FAM20B: variants seen among roughly 807,000 people sequenced by gnomAD.
FAM20B encodes the protein FAM20B glycosaminoglycan xylosylkinase.
In FAM20B, 23 loss-of-function variants were observed where a neutral mutation model predicts 43.8. The ratio of observed to expected loss-of-function variants is 0.53; its 90% CI spans 0.38 to 0.74. FAM20B has a LOEUF of 0.74. Among genes scored for constraint, FAM20B ranks in the 30% least tolerant of loss-of-function variants. The pLI, the probability that FAM20B is intolerant of heterozygous loss-of-function variation, is 0.00. For missense variants in FAM20B, 440 were observed against 510.5 expected, an observed-to-expected ratio of 0.86 and a Z score of 1.33; for synonymous variants, 178 against 192.4, an observed-to-expected ratio of 0.93 and a Z score of 0.62.
chr1:179,055,611 T>C (rs770267982), intron 4 of FAM20B, among the ~76,000 whole-genome samples: 8 of 152,178 alleles, frequency 5.3e-5, no homozygotes, highest in Non-Finnish European at 1.0e-4. Flanking sequence ...GTTTTATGTT[T>C]AGCAAGCATG....
chr1:179,070,447 TG>T (rs994968240), intron 7 of FAM20B, among the ~76,000 whole-genome samples: 19 of 151,570 alleles, frequency 1.3e-4, no homozygotes, highest in African/African-American at 4.4e-4. Context: ...GACTTATTGC[TG>T]TGTCATCATG....
chr1:179,064,287 G>GTC lies in FAM20B; in HGVS notation c.747-18_747-17insTC. 1 of 1,591,060 alleles carries GTC rather than the reference G, an allele frequency of 6.3e-7. No individual in the cohort carries two copies. Among genetic ancestry groups the GTC allele is most frequent in the Non-Finnish European group, 8.6e-7 (1 of 1,164,054 alleles). On this transcript the variant is annotated splice_polypyrimidine_tract_variant and intron_variant, in intron 5 of 7. Transcript: ENST00000263733. ...GTACAGTGTTGTCACTCAGTGCTGT[G>GTC]ATGCTGCTTGTCTCCAGGTGGGAGT...
intron 7 of FAM20B, among the ~76,000 whole-genome samples, chr1:179,067,932 T>C (rs1167949979): frequency 6.6e-6 from 1 of 151,978 alleles, no homozygotes; most frequent in African/African-American, 2.4e-5. Flanking sequence ...CCCAGCTAAT[T>C]TTTGTATTTG....
chr1:179,039,922 G>T (rs1025849594), intron 1 of FAM20B, among the ~76,000 whole-genome samples: 10 of 152,070 alleles, frequency 6.6e-5, no homozygotes, highest in Admixed American at 4.6e-4. Flanking sequence ...AGATTAGGGA[G>T]TGGTGATGAC....
intron 3 of FAM20B, among the ~76,000 whole-genome samples, chr1:179,052,991 C>T (rs1289878288): frequency 1.3e-5 from 2 of 152,160 alleles, no homozygotes; most frequent in African/African-American, 4.8e-5. Context: ...TTTTGTATTT[C>T]CCCATTACTG....
At chr1:179,043,632 T>G in intron 1 of FAM20B, 83 bp from the exon 2 acceptor site, 2 of 472,484 alleles carry the variant, frequency 4.2e-6, no homozygotes, top group Admixed American at 3.6e-5. Flanking sequence ...AAAGGGTGAG[T>G]CATATATTAG....
intron 1 of FAM20B, among the ~76,000 whole-genome samples, chr1:179,029,782 A>G (rs563309177): frequency 1.3e-5 from 2 of 152,348 alleles, no homozygotes; most frequent in South Asian, 4.1e-4. Context: ...TTATATACAT[A>G]GCAATGCCTC....
intron 2 of FAM20B, among the ~76,000 whole-genome samples, chr1:179,049,831 C>T (rs748550660): frequency 3.9e-5 from 6 of 152,296 alleles, no homozygotes; most frequent in Admixed American, 1.3e-4. Context: ...TGTGAGCCAC[C>T]GTGCCTGGCC....
intron 4 of FAM20B, among the ~76,000 whole-genome samples, chr1:179,057,199 G>T (rs578166575): frequency 2.6e-5 from 4 of 152,052 alleles, no homozygotes; most frequent in Non-Finnish European, 4.4e-5. Context: ...ACGAAAATTA[G>T]CTGGGCATGG....
Position 179,073,858 on chromosome 1 carries a change from C to A in FAM20B, c.*1714C>A, listed in dbSNP as rs572488361. 1 of 152,322 alleles carries A rather than the reference C, an allele frequency of 6.6e-6. No homozygotes were observed. Among genetic ancestry groups the A allele is most frequent in the Non-Finnish European group, 1.5e-5 (1 of 68,046 alleles). The allele number at this position is 152,322 out of a possible 1,614,324, so 9.4% of individuals were successfully genotyped here. Reference sequence around the variant, plus strand: ...CAACATGTAAGTAGTTGCAGTAAAACACAGGGGCAAAGGAAGACAGGCCTG... The same window carrying A: ...CAACATGTAAGTAGTTGCAGTAAAAAACAGGGGCAAAGGAAGACAGGCCTG... On this transcript the variant is annotated 3_prime_UTR_variant, in exon 8 of 8. Coordinates refer to ENST00000263733, the MANE Select transcript of FAM20B (RefSeq NM_014864.4).
chr1:179,059,895 C>G (rs1651384543), intron 4 of FAM20B, among the ~76,000 whole-genome samples: 1 of 151,756 alleles, frequency 6.6e-6, no homozygotes, highest in African/African-American at 2.4e-5. Context: ...TCACTTGAAC[C>G]CGGGAAGTGG....
In FAM20B at chr1:179,073,086, C is replaced by G. The variant is rs1437884394; in HGVS notation, c.*942C>G. On this transcript the variant is annotated 3_prime_UTR_variant, in exon 8 of 8. Transcript: ENST00000263733. ...ACAGGTTGCCTGTGGTCTCTGTCAT[C>G]CTCGTTTCTCTTCTGAAATGAATTT... 6.6e-6 allele frequency: 1 copy of G among 152,202 alleles called. No individual in the cohort carries two copies. The highest frequency in any genetic ancestry group is 1.5e-5 in the Non-Finnish European group (1 of 68,042). 9.4% of individuals were successfully genotyped at this position (152,202 alleles called of 1,614,324 possible).
At chr1:179,063,811 G>A in intron 4 of FAM20B, 116 bp from the exon 5 acceptor site, 2 of 674,012 alleles carry the variant, frequency 3.0e-6, no homozygotes, top group Non-Finnish European at 5.0e-6. Flanking sequence ...AGTAAACTCA[G>A]GGTCTTTGTT....
intron 1 of FAM20B, among the ~76,000 whole-genome samples, chr1:179,033,599 TAGG>T (rs1650096499): frequency 6.6e-6 from 1 of 152,222 alleles, no homozygotes; most frequent in Non-Finnish European, 1.5e-5. Flanking sequence ...AAGGAGTTGA[TAGG>T]AGCAGAACAG....
chr1:179,035,444 G>C, intron 1 of FAM20B: 1 of 707,764 alleles, frequency 1.4e-6, no homozygotes, highest in Non-Finnish European at 2.6e-6. Flanking sequence ...CAGTAATGTA[G>C]CTTCACAAAC....
rs1283962471 is a variant in FAM20B, at chr1:179,030,819, C to T, written c.-134+4721C>T. On this transcript the variant is annotated intron_variant, in intron 1 of 7. Coordinates refer to ENST00000263733, the MANE Select transcript of FAM20B (RefSeq NM_014864.4). ...TGCTAAGTTACTTGGAAGTACAAAG[C>T]GTGAGTAAAATCTATCCCATCCTCA... 2.6e-5 allele frequency among the ~76,000 whole-genome samples: 4 copies of T among 151,094 alleles called. No individual in the cohort carries two copies. In the East Asian group the frequency reaches 7.7e-4, roughly 29 times the overall value.
intron 1 of FAM20B, among the ~76,000 whole-genome samples, chr1:179,034,300 C>G (rs1650128887): frequency 1.3e-5 from 2 of 152,190 alleles, no homozygotes; most frequent in South Asian, 4.1e-4. Flanking sequence ...AACTGGCACA[C>G]AGTCATTTCC....
intron 1 of FAM20B, among the ~76,000 whole-genome samples, chr1:179,040,738 G>A (rs1264441390): frequency 1.1e-4 from 17 of 150,222 alleles, no homozygotes; most frequent in Non-Finnish European, 2.4e-4. Flanking sequence ...CGGACGGGGC[G>A]GCTGGCCTGG....
chr1:179,029,217 T>TTTAA (rs1649911186), intron 1 of FAM20B, among the ~76,000 whole-genome samples: 2 of 152,242 alleles, frequency 1.3e-5, no homozygotes, highest in South Asian at 2.1e-4. Flanking sequence ...AGTTATCCCT[T>TTTAA]TTTAAGAGTA....
Sources: allele counts gnomAD v4.1 joint callset (sites outside exome capture counted in the v4.1 genomes callset), GRCh38; gene constraint gnomAD v4.1.1; transcripts MANE v1.5; gene names NCBI Gene and HGNC (gene_info 2026-07-23, HGNC 2026-07-21).